Variants in CCDC93 observed in about 807,000 individuals in gnomAD.
CCDC93 encodes the protein coiled-coil domain-containing protein 93.
A neutral mutation model predicts 108.2 loss-of-function variants in CCDC93; 61 were observed. The observed-to-expected ratio is 0.56, with a 90% CI of 0.46 to 0.70. CCDC93 has a LOEUF of 0.70. CCDC93 is among the 30% of genes least tolerant of loss of function. The pLI, the probability that CCDC93 is intolerant of heterozygous loss-of-function variation, is 0.00. For missense variants in CCDC93, 685 were observed against 764.2 expected (o/e 0.90, Z 1.22); for synonymous variants, 276 against 260.4 (o/e 1.06, Z -0.58).
At chr2:117,979,921 A>G (rs1472934840) in intron 7 of CCDC93, among the ~76,000 whole-genome samples, 3 of 152,210 alleles carry the variant, frequency 2.0e-5, no homozygotes. Flanking sequence ...AGAGTTTTCA[A>G]TATGGAACAG....
At position 117,945,529 on chromosome 2, in the gene CCDC93, G is replaced by T. The variant is rs375460660; in HGVS notation, c.1350C>A (p.Asp450Glu). The T allele has an allele frequency of 6.2e-7, 1 of 1,613,620 alleles. No homozygotes were observed. The highest frequency in any genetic ancestry group is 1.7e-5 in the Admixed American group (1 of 60,026). The change falls in exon 17 of 24, where the codon GAC (aspartate) becomes GAA (glutamate). Residue 450 changes from aspartate (D) to glutamate (E), a missense_variant and splice_region_variant. Coordinates refer to ENST00000376300, the MANE Select transcript of CCDC93 (RefSeq NM_019044.5). ...PGTLTSAMTH[D>E]EDLDRRYNME... ...CAGTCCTGAGCAGGCAGGTACTTAC[G>T]TCATGAGTCATTGCAGAGGTCAAGG...
intron 19 of CCDC93, among the ~76,000 whole-genome samples, chr2:117,940,634 G>T (rs888739355): frequency 6.6e-6 from 1 of 152,174 alleles, no homozygotes; most frequent in Non-Finnish European, 1.5e-5. Context: ...TGCAGCTAAT[G>T]GTCATTTAGC....
At chr2:117,978,219 C>T (rs766908593) in intron 7 of CCDC93, among the ~76,000 whole-genome samples, 189 bp from the exon 8 acceptor site, 1 of 152,180 alleles carries the variant, frequency 6.6e-6, no homozygotes, top group Non-Finnish European at 1.5e-5. Flanking sequence ...GGGCCAGCCA[C>T]CCTACTTGCT....
At chr2:118,011,068 C>A (rs1275668345) in intron 1 of CCDC93, among the ~76,000 whole-genome samples, 1 of 152,104 alleles carries the variant, frequency 6.6e-6, no homozygotes, top group Non-Finnish European at 1.5e-5. Flanking sequence ...TGGGTTTACT[C>A]CTCTGAATCC....
In CCDC93 at chr2:117,949,332, C is replaced by T. The variant is rs762745507; in HGVS notation, c.1132G>A (p.Ala378Thr). 1 of 1,612,688 alleles carries T rather than the reference C, an allele frequency of 6.2e-7. No homozygotes were observed. The highest frequency in any genetic ancestry group is 1.1e-5 in the South Asian group (1 of 91,050). The change falls in exon 14 of 24, where the codon GCT (alanine) becomes ACT (threonine). Residue 378 changes from alanine to threonine, a missense_variant. By Grantham distance (58) the Ala-to-Thr change is moderately conservative. Coordinates refer to ENST00000376300, the MANE Select transcript of CCDC93 (RefSeq NM_019044.5). ...QAALEKIESKADPSILQNLRA... is the reference protein window; with the variant it reads ...QAALEKIESKTDPSILQNLRA... ...GCTGAAACCTCTTACCTTGGATCAGCTTTGGATTCTATCTTCTCGAGGGCT... is the reference window on the plus strand; with the variant it reads ...GCTGAAACCTCTTACCTTGGATCAGTTTTGGATTCTATCTTCTCGAGGGCT...
At chr2:117,955,785 C>T (rs964391468) in intron 12 of CCDC93, among the ~76,000 whole-genome samples, 8 of 151,652 alleles carry the variant, frequency 5.3e-5, no homozygotes, top group Admixed American at 2.0e-4. Context: ...GACAGAGAGA[C>T]GTCTGTGATA....
intron 6 of CCDC93, 90 bp from the exon 7 acceptor site, chr2:117,986,159 T>TA: frequency 8.0e-5 from 39 of 484,982 alleles, no homozygotes; most frequent in Non-Finnish European, 1.0e-4. Flanking sequence ...GGGTATATTC[T>TA]CTTTTTTTTT....
chr2:118,005,077 T>C (rs940770260), intron 3 of CCDC93, among the ~76,000 whole-genome samples: 1 of 152,228 alleles, frequency 6.6e-6, no homozygotes, highest in African/African-American at 2.4e-5. Flanking sequence ...ATAAGCTTTG[T>C]ATCTAAACCT....
At chr2:117,937,197 G>C (rs1678552889) in intron 20 of CCDC93, among the ~76,000 whole-genome samples, 1 of 152,034 alleles carries the variant, frequency 6.6e-6, no homozygotes, top group African/African-American at 2.4e-5. Context: ...TCTCGCCAAT[G>C]CAACAAGCTA....
chr2:117,931,162 T>C lies in CCDC93; in HGVS notation c.1729-12A>G, dbSNP rs765534309. On this transcript the variant is annotated splice_polypyrimidine_tract_variant and intron_variant, in intron 22 of 23. Coordinates refer to ENST00000376300, the MANE Select transcript of CCDC93 (RefSeq NM_019044.5). ...TTTTTCTTTTCCATCTGTTGAAACATTGTGGGAAATGGTGATGAAAAGACA... is the reference window on the plus strand; with the variant it reads ...TTTTTCTTTTCCATCTGTTGAAACACTGTGGGAAATGGTGATGAAAAGACA... The C allele has an allele frequency of 1.2e-5, 19 of 1,595,282 alleles. No homozygotes were observed. The highest frequency in any genetic ancestry group is 1.5e-5 in the Non-Finnish European group (17 of 1,163,166).
intron 8 of CCDC93, among the ~76,000 whole-genome samples, 172 bp downstream of exon 8, chr2:117,977,822 T>G (rs1478172000): frequency 6.6e-6 from 1 of 152,080 alleles, no homozygotes; most frequent in Non-Finnish European, 1.5e-5. Context: ...CTCCCCAGTC[T>G]GTAGAGGTGG....
At chr2:117,985,052 G>C (rs959267027) in intron 7 of CCDC93, among the ~76,000 whole-genome samples, 35 of 152,096 alleles carry the variant, frequency 2.3e-4, no homozygotes, top group African/African-American at 7.7e-4. Flanking sequence ...TGAACTGTGG[G>C]GGCAGCCATC....
intron 21 of CCDC93, among the ~76,000 whole-genome samples, chr2:117,936,167 T>C (rs1236434104): frequency 6.6e-6 from 1 of 152,120 alleles, no homozygotes; most frequent in Admixed American, 6.5e-5. Flanking sequence ...AGCAGAGATT[T>C]GTGCCAGAGA....
At chr2:118,013,804 A>G in intron 1 of CCDC93, 150 bp downstream of exon 1, 1 of 652,418 alleles carries the variant, frequency 1.5e-6, no homozygotes, top group Non-Finnish European at 2.5e-6. Context: ...CGCCTCCAAG[A>G]AGAGGGTCGG....
At chr2:118,006,939 T>TGA (rs762284751) in intron 2 of CCDC93, 123 bp from the exon 3 acceptor site, 19 of 628,056 alleles carry the variant, frequency 3.0e-5, no homozygotes, top group Non-Finnish European at 4.0e-5. Flanking sequence ...TTATATATCT[T>TGA]GAGAGAGAGA....
intron 7 of CCDC93, among the ~76,000 whole-genome samples, chr2:117,983,146 G>T (rs1384513161): frequency 6.6e-6 from 1 of 152,130 alleles, no homozygotes; most frequent in Admixed American, 6.5e-5. Context: ...TAAATACCAC[G>T]CCTAGAACCC....
rs1040000602 is a variant in CCDC93, at chr2:117,973,974, G to A, written c.822C>T (p.Ser274=). The part of the protein sequence containing the change: ...ANEESRLTAS[S]VGQIVGLCSA... ...AGCAGAGTCCCACAATCTGGCCCAC[G>A]GAGCTTGCGGTGAGACGGCTCTGCA... is the stretch of plus-strand genomic sequence containing the variant. Residue 274 remains serine (S), a synonymous_variant, in exon 11 of 24, where the codon TCC becomes TCT. Transcript: ENST00000376300. 7 of 1,611,024 alleles carry A rather than the reference G, an allele frequency of 4.3e-6. No homozygotes were observed. The highest frequency in any genetic ancestry group is 2.7e-5 in the African/African-American group (2 of 74,830).
At chr2:117,945,095 C>T (rs996961252) in intron 17 of CCDC93, among the ~76,000 whole-genome samples, 1 of 152,204 alleles carries the variant, frequency 6.6e-6, no homozygotes, top group African/African-American at 2.4e-5. Flanking sequence ...GCAGAGCTGG[C>T]TCACAAAGCC....
In CCDC93 at chr2:117,916,519, A is replaced by T. The variant is rs1047027420; in HGVS notation, c.*3824T>A. 6.6e-6 allele frequency: 1 copy of T among 152,200 alleles called. No homozygotes were observed. Among genetic ancestry groups the T allele is most frequent in the Non-Finnish European group, 1.5e-5 (1 of 68,034 alleles). 9.4% of individuals were successfully genotyped at this position (152,200 alleles called of 1,614,324 possible). On this transcript the variant is annotated 3_prime_UTR_variant, in exon 24 of 24. Transcript: ENST00000376300. The stretch of plus-strand genomic sequence containing the variant: ...GGTTCAATCTAAATTTTCCTAATAG[A>T]GATGCAAAGTTGCAATGTGGAAAAG...
Sources: allele counts gnomAD v4.1 joint callset (sites outside exome capture counted in the v4.1 genomes callset), GRCh38; gene constraint gnomAD v4.1.1; transcripts MANE v1.5; gene names NCBI Gene and HGNC (gene_info 2026-07-23, HGNC 2026-07-21).